The following RBFOX1 variants were observed in gnomAD, a reference collection of about 807,000 sequenced individuals.
RBFOX1 encodes RNA binding fox-1 homolog 1.
A neutral mutation model predicts 57.7 loss-of-function variants in RBFOX1; 8 were observed. That is an observed-to-expected ratio of 0.14 (90% CI 0.08 to 0.25). RBFOX1 has a LOEUF of 0.25. RBFOX1 is among the 10% of genes least tolerant of loss of function. RBFOX1 has a pLI of 1.00. For synonymous variants in RBFOX1, 326 were observed against 222.4 expected, an observed-to-expected ratio of 1.47 and a Z score of -4.15; for missense variants, 611 against 548.5, an observed-to-expected ratio of 1.11 and a Z score of -1.14.
At chr16:5,520,568 G>A (rs183392490) in intron 2 of RBFOX1, among the ~76,000 whole-genome samples, 1 of 152,316 alleles carries the variant, frequency 6.6e-6, no homozygotes, top group African/African-American at 2.4e-5. Flanking sequence ...GGGATGCAAT[G>A]CAATGGCTAG....
chr16:6,298,897 T>A (rs2078457072), intron 1 of RBFOX1, among the ~76,000 whole-genome samples: 1 of 152,212 alleles, frequency 6.6e-6, no homozygotes, highest in Non-Finnish European at 1.5e-5. Context: ...GATCTGACAT[T>A]CCTCATGTGG....
chr16:5,489,111 C>G (rs958324115), intron 2 of RBFOX1, among the ~76,000 whole-genome samples: 1 of 152,222 alleles, frequency 6.6e-6, no homozygotes, highest in African/African-American at 2.4e-5. Context: ...CGCTGCCTGT[C>G]CAGCTTTGCC....
intron 2 of RBFOX1, among the ~76,000 whole-genome samples, chr16:6,327,438 C>T (rs768612624): frequency 1.3e-5 from 2 of 152,070 alleles, no homozygotes; most frequent in Non-Finnish European, 2.9e-5. Context: ...AGGATAGAAG[C>T]ATCTTTATGA....
At chr16:5,402,060 A>G (rs1030228055) in intron 1 of RBFOX1, among the ~76,000 whole-genome samples, 2 of 152,104 alleles carry the variant, frequency 1.3e-5, no homozygotes, top group African/African-American at 4.8e-5. Context: ...GAAAAGTCCT[A>G]AGGCATTGGA....
intron 3 of RBFOX1, among the ~76,000 whole-genome samples, chr16:5,837,296 A>G: frequency 6.6e-6 from 1 of 151,570 alleles, no homozygotes; most frequent in Non-Finnish European, 1.5e-5. Flanking sequence ...TCTGCCTGAA[A>G]CACCCTCACA....
chr16:6,189,720 C>G (rs1232437919), intron 1 of RBFOX1, among the ~76,000 whole-genome samples: 2 of 152,202 alleles, frequency 1.3e-5, no homozygotes, highest in Non-Finnish European at 2.9e-5. Context: ...AACACTCTGA[C>G]TCCTAGAATT....
At chr16:7,298,402 C>T (rs558884871) in intron 4 of RBFOX1, among the ~76,000 whole-genome samples, 57 of 149,602 alleles carry the variant, frequency 3.8e-4, no homozygotes, top group Middle Eastern at 3.7e-3. Flanking sequence ...GATTCTCATG[C>T]GTCTGCCTCC....
chr16:6,383,423 C>T (rs929901114), intron 2 of RBFOX1, among the ~76,000 whole-genome samples: 5 of 152,136 alleles, frequency 3.3e-5, no homozygotes, highest in African/African-American at 7.2e-5. Flanking sequence ...TTCTATCTTG[C>T]TTTCTTCCTT....
At chr16:7,466,060 C>A (rs1025355378) in intron 4 of RBFOX1, among the ~76,000 whole-genome samples, 2 of 152,118 alleles carry the variant, frequency 1.3e-5, no homozygotes, top group African/African-American at 4.8e-5. Context: ...TGGAGTAAAC[C>A]TGCTCAGAGA....
At chr16:7,200,757 T>C (rs1035987432) in intron 4 of RBFOX1, among the ~76,000 whole-genome samples, 1 of 152,188 alleles carries the variant, frequency 6.6e-6, no homozygotes, top group Non-Finnish European at 1.5e-5. Flanking sequence ...GTGAAAATTA[T>C]TAGACATGCA....
chr16:7,430,486 C>G (rs911445374), intron 4 of RBFOX1, among the ~76,000 whole-genome samples: 2 of 151,948 alleles, frequency 1.3e-5, no homozygotes, highest in Non-Finnish European at 1.5e-5. Context: ...AAGGTGAAAC[C>G]CCGTCTTTAC....
chr16:6,930,487 A>G (rs1278015331), intron 3 of RBFOX1, among the ~76,000 whole-genome samples: 1 of 151,514 alleles, frequency 6.6e-6, no homozygotes, highest in Non-Finnish European at 1.5e-5. Context: ...TCGGCTCACT[A>G]CAACCTCTGC....
At chr16:7,481,777 T>C (rs2064005350) in intron 4 of RBFOX1, among the ~76,000 whole-genome samples, 1 of 152,162 alleles carries the variant, frequency 6.6e-6, no homozygotes, top group Admixed American at 6.5e-5. Flanking sequence ...AAAATGCACT[T>C]AACACCCCTC....
chr16:5,576,557 C>A (rs537774826), intron 2 of RBFOX1, among the ~76,000 whole-genome samples: 1 of 152,310 alleles, frequency 6.6e-6, no homozygotes, highest in Non-Finnish European at 1.5e-5. Flanking sequence ...GATGTGTATC[C>A]TGCCCCTTTC....
At chr16:7,625,717 T>G (rs1020496636) in intron 10 of RBFOX1, among the ~76,000 whole-genome samples, 1 of 152,248 alleles carries the variant, frequency 6.6e-6, no homozygotes, top group African/African-American at 2.4e-5. Context: ...CACCATGTAC[T>G]GACTTGGAAC....
intron 1 of RBFOX1, among the ~76,000 whole-genome samples, chr16:6,255,187 T>A (rs923046763): frequency 4.6e-5 from 7 of 152,046 alleles, no homozygotes; most frequent in Non-Finnish European, 8.8e-5. Context: ...ATCAATACTT[T>A]TTGGTTTAAT....
chr16:7,434,860 C>G (rs1386655721), intron 4 of RBFOX1, among the ~76,000 whole-genome samples: 1 of 151,992 alleles, frequency 6.6e-6, no homozygotes, highest in Non-Finnish European at 1.5e-5. Flanking sequence ...TAGCCTCAGC[C>G]TCCTGGGTAG....
At chr16:7,491,110 T>C (rs1334210549) in intron 4 of RBFOX1, among the ~76,000 whole-genome samples, 1 of 152,124 alleles carries the variant, frequency 6.6e-6, no homozygotes, top group Non-Finnish European at 1.5e-5. Flanking sequence ...GGCTCTTAAA[T>C]AAAGTCATCA....
At position 5,277,253 on chromosome 16, in the gene RBFOX1, C is replaced by G. The variant is rs144697114; in HGVS notation, c.219+37148C>G. Among the ~76,000 whole-genome samples the G allele has an allele frequency of 6.9e-3, 1,050 of 151,466 alleles. 14 individuals are homozygous for G. The highest frequency in any genetic ancestry group is 0.024 in the African/African-American group (979 of 41,256). On this transcript the variant is annotated intron_variant, in intron 1 of 2. Transcript: ENST00000585867. ...TTCTCACTCATAAGTGGGAGCTAAG[C>G]TATGATGATGCAAAGGGACGAGAAT... is the stretch of plus-strand genomic sequence containing the variant.
Sources: gnomAD v4.1 joint callset for allele counts (sites outside exome capture counted in the v4.1 genomes callset) on GRCh38, gnomAD v4.1.1 for gene constraint, MANE v1.5 for transcripts, NCBI Gene and HGNC (gene_info 2026-07-23, HGNC 2026-07-21) for gene names.